CLCN1: variants seen among roughly 807,000 people sequenced by gnomAD.
The protein encoded by CLCN1 is chloride channel protein 1.
CLCN1 carries 100 observed loss-of-function variants against 114.5 expected under a neutral mutation model. That is an observed-to-expected ratio of 0.87 (90% CI 0.74 to 1.03). CLCN1 has a LOEUF of 1.03. Ranked by LOEUF, CLCN1 falls within the 50% of genes least tolerant of loss-of-function variation. The probability of loss-of-function intolerance (pLI) is 0.00; values close to 1 mark genes in which losing one functional copy is unlikely to be tolerated. For missense variants in CLCN1, 1,188 were observed against 1,250.0 expected (o/e 0.95, Z 0.75); for synonymous variants, 485 against 487.1 (o/e 1.00, Z 0.06).
intron 10 of CLCN1, 41 bp from the exon 11 acceptor site, chr7:143,332,378 A>T: frequency 1.4e-6 from 2 of 1,452,390 alleles, no homozygotes; most frequent in Non-Finnish European, 1.9e-6. Flanking sequence ...ATTTACTGTG[A>T]GTTGGCTGAA....
At chr7:143,341,159 C>T (rs1229605989) in intron 14 of CLCN1, among the ~76,000 whole-genome samples, 1 of 152,044 alleles carries the variant, frequency 6.6e-6, no homozygotes, top group Non-Finnish European at 1.5e-5. Context: ...TGCTGCATGT[C>T]CACAGTATGA....
intron 20 of CLCN1, among the ~76,000 whole-genome samples, chr7:143,349,960 T>C (rs960627015): frequency 6.6e-6 from 1 of 152,084 alleles, no homozygotes; most frequent in African/African-American, 2.4e-5. Context: ...GAACTCCAGA[T>C]GGTCAGAATA....
chr7:143,337,574 C>T (rs1034816360), intron 12 of CLCN1, among the ~76,000 whole-genome samples: 4 of 152,088 alleles, frequency 2.6e-5, no homozygotes, highest in Non-Finnish European at 5.9e-5. Flanking sequence ...AGTGCAATTG[C>T]GCACAGCTCT....
In CLCN1 at chr7:143,316,278, C is replaced by T; in HGVS notation, c.66C>T (p.Tyr22=). The change falls in exon 1 of 23, where the codon TAC becomes TAT. Residue 22 remains tyrosine, a synonymous_variant. Transcript: ENST00000343257. ...EQSWWGSDPQ[Y]QYMPFEHCTS... ...GCTGGTGGGGTAGTGACCCCCAGTACCAGTATATGCCCTTTGAACACTGCA... is the reference window on the plus strand; with the variant it reads ...GCTGGTGGGGTAGTGACCCCCAGTATCAGTATATGCCCTTTGAACACTGCA... 1.2e-6 allele frequency: 2 copies of T among 1,613,586 alleles called. No homozygotes were observed. The highest frequency in any genetic ancestry group is 1.7e-6 in the Non-Finnish European group (2 of 1,179,634).
In CLCN1 at chr7:143,321,953, G is replaced by A; in HGVS notation, c.696+105G>A. ...GGAGTGGAAGTGGATCAGGGGACAGGACCAAGGCCAGGGCCAGGGGACACT... is the reference window on the plus strand; with the variant it reads ...GGAGTGGAAGTGGATCAGGGGACAGAACCAAGGCCAGGGCCAGGGGACACT... On this transcript the variant is annotated intron_variant, in intron 5 of 22. Transcript: ENST00000343257. This position sits in a 1 kb window ranked among gnomAD's most constrained non-coding sequence, Gnocchi z 4.2. 1 of 1,335,042 alleles carries A rather than the reference G, an allele frequency of 7.5e-7. No individual in the cohort carries two copies. The highest frequency in any genetic ancestry group is 1.3e-5 in the South Asian group (1 of 75,414). 82.7% of individuals were successfully genotyped at this position (1,335,042 alleles called of 1,614,324 possible).
rs149407148 is a variant in CLCN1 at position 143,319,815 on chromosome 7, A to G, written c.241A>G (p.Lys81Glu). 3 of 1,613,704 alleles carry G rather than the reference A, an allele frequency of 1.9e-6. No homozygotes were observed. The highest frequency in any genetic ancestry group is 2.7e-5 in the African/African-American group (2 of 74,884). Residue 81 changes from lysine (K) to glutamate (E), a missense_variant, in exon 2 of 23, where the codon AAG (lysine) becomes GAG (glutamate). Physicochemically the swap from Lys to Glu is moderately conservative, Grantham distance 56. Transcript: ENST00000343257. ...DREQDIGMPK[K>E]TGSSSTVDSK... ...GGAGCAGGACATAGGGATGCCCAAG[A>G]AGACAGGCTCCAGTTCTACCGTGGA...
intron 7 of CLCN1, among the ~76,000 whole-genome samples, chr7:143,327,430 C>G (rs1802605810): frequency 6.6e-6 from 1 of 152,032 alleles, no homozygotes; most frequent in African/African-American, 2.4e-5. Context: ...TCATGAAATA[C>G]TTGTGCACAA....
chr7:143,331,113 C>A, intron 8 of CLCN1, 119 bp from the exon 9 acceptor site: 1 of 1,032,806 alleles, frequency 9.7e-7, no homozygotes, highest in Non-Finnish European at 1.5e-6. Flanking sequence ...AAAATACATT[C>A]AAGAGGAGAA....
Position 143,332,254 on chromosome 7 carries a change from C to G in CLCN1, c.1167-165C>G, listed in dbSNP as rs1586498569. On this transcript the variant is annotated intron_variant, in intron 10 of 22. Coordinates refer to ENST00000343257, the MANE Select transcript of CLCN1 (RefSeq NM_000083.3). ...GCCCCATGGGATTAGAGGCATGAGC[C>G]ACCGCACTCGGCCTCAAATATTGGT... Among the ~76,000 whole-genome samples, 3 of 152,334 alleles carry G rather than the reference C, an allele frequency of 2.0e-5. No homozygotes were observed. The South Asian group carries it at 6.2e-4, about 32-fold the overall frequency.
rs764582617 is a variant in CLCN1, at chr7:143,319,887, T to C, written c.301+12T>C. On this transcript the variant is annotated intron_variant, in intron 2 of 22. Transcript: ENST00000343257. ...TTCTAAATGTCAAGGTGATGGGGAC[T>C]GAGGAATAAAGAAATCTGGAGTAGA... The C allele has an allele frequency of 1.9e-6, 3 of 1,613,526 alleles. No individual in the cohort carries two copies. Among genetic ancestry groups the C allele is most frequent in the Non-Finnish European group, 2.5e-6 (3 of 1,179,616 alleles).
intron 2 of CLCN1, among the ~76,000 whole-genome samples, chr7:143,320,378 T>A (rs1802392162): frequency 6.6e-6 from 1 of 152,148 alleles, no homozygotes; most frequent in Non-Finnish European, 1.5e-5. Context: ...TAGGAAGGAA[T>A]TCAAGTATTC....
At chr7:143,346,106 C>A in intron 17 of CLCN1, 34 bp from the exon 18 acceptor site, 1 of 1,401,914 alleles carries the variant, frequency 7.1e-7, no homozygotes, top group Non-Finnish European at 1.0e-6. Flanking sequence ...GCAGTCTCTG[C>A]TCCCAGGCTG....
chr7:143,324,282 C>CA lies in CLCN1; in HGVS notation c.775-131dup. 1.3e-6 allele frequency: 1 copy of CA among 741,646 alleles called. No individual in the cohort carries two copies. The highest frequency in any genetic ancestry group is 2.5e-6 in the Non-Finnish European group (1 of 403,682). 45.9% of individuals were successfully genotyped at this position (741,646 alleles called of 1,614,324 possible). The stretch of plus-strand genomic sequence containing the variant: ...CTCTTGGCCTGGGAATCACAGGGGA[C>CA]ATGGGACCACAAGGACTCCTTTTGA... On this transcript the variant is annotated intron_variant, in intron 6 of 22. Transcript: ENST00000343257. The surrounding 1 kb of genome is among the most constrained non-coding windows in gnomAD (Gnocchi z 4.6).
At chr7:143,348,777 C>T (rs541837670) in intron 20 of CLCN1, among the ~76,000 whole-genome samples, 2 of 152,270 alleles carry the variant, frequency 1.3e-5, no homozygotes, top group Admixed American at 6.5e-5. Context: ...TGTTTCTAAC[C>T]GGTACCGAGC....
At position 143,321,350 on chromosome 7, in the gene CLCN1, C is replaced by T. The variant is rs771348112; in HGVS notation, c.434-15C>T. On this transcript the variant is annotated splice_polypyrimidine_tract_variant and intron_variant, in intron 3 of 22. Coordinates refer to ENST00000343257, the MANE Select transcript of CLCN1 (RefSeq NM_000083.3). The surrounding 1 kb of genome is among the most constrained non-coding windows in gnomAD (Gnocchi z 4.2). The stretch of plus-strand genomic sequence containing the variant: ...CAGCCATGTTCTGCCTAACCCCAGG[C>T]ATGTGTCTCCGCAGCCTACAAGTGG... The T allele has an allele frequency of 6.2e-7, 1 of 1,613,984 alleles. No homozygotes were observed. Among genetic ancestry groups the T allele is most frequent in the Non-Finnish European group, 8.5e-7 (1 of 1,179,994 alleles).
At chr7:143,349,984 G>A in intron 20 of CLCN1, among the ~76,000 whole-genome samples, 1 of 152,196 alleles carries the variant, frequency 6.6e-6, no homozygotes. Flanking sequence ...AAGACAAAGG[G>A]GAAGGCATGT....
Position 143,346,264 on chromosome 7 carries a change from C to T in CLCN1, c.2284+13C>T, listed in dbSNP as rs781213675. ...CCAGAGCCTGCAGGTGACGCTCTTCCCTCATGCACCCCAACTCACCCCTTG... is the reference window on the plus strand; with the variant it reads ...CCAGAGCCTGCAGGTGACGCTCTTCTCTCATGCACCCCAACTCACCCCTTG... On this transcript the variant is annotated intron_variant, in intron 18 of 22. Coordinates refer to ENST00000343257, the MANE Select transcript of CLCN1 (RefSeq NM_000083.3). The T allele has an allele frequency of 7.8e-6, 12 of 1,544,068 alleles. No homozygotes were observed. The highest frequency in any genetic ancestry group is 6.7e-5 in the East Asian group (3 of 44,534).
At chr7:143,331,442 G>A in intron 9 of CLCN1, 109 bp from the exon 10 acceptor site, 1 of 1,123,902 alleles carries the variant, frequency 8.9e-7, no homozygotes, top group Non-Finnish European at 1.4e-6. Context: ...GGGGGATGTG[G>A]GCAGATAGGA....
rs1326695756 is a variant in CLCN1 at position 143,321,149 on chromosome 7, C to G, written c.434-216C>G. ...TTGGTCACACCCAGGCCTCCAGACC[C>G]TGTACTCCAGTGGGATTCGTGACAC... is the stretch of plus-strand genomic sequence containing the variant. On this transcript the variant is annotated intron_variant, in intron 3 of 22. Coordinates refer to ENST00000343257, the MANE Select transcript of CLCN1 (RefSeq NM_000083.3). This position sits in a 1 kb window ranked among gnomAD's most constrained non-coding sequence, Gnocchi z 4.2. Among the ~76,000 whole-genome samples the G allele has an allele frequency of 6.6e-6, 1 of 152,222 alleles. No homozygotes were observed. The highest frequency in any genetic ancestry group is 1.5e-5 in the Non-Finnish European group (1 of 68,038).
Sources: gnomAD v4.1 joint callset for allele counts (sites outside exome capture counted in the v4.1 genomes callset) on GRCh38, gnomAD v4.1.1 for gene constraint, Gnocchi (gnomAD v3.1) non-coding constraint, MANE v1.5 for transcripts, NCBI Gene and HGNC (gene_info 2026-07-23, HGNC 2026-07-21) for gene names.